Variants in USHBP1 observed in about 807,000 individuals in gnomAD.
The protein encoded by USHBP1 is USH1 protein network component harmonin binding protein 1, also known as harmonin-binding protein USHBP1.
In USHBP1, 67 loss-of-function variants were observed where a neutral mutation model predicts 76.2. The observed-to-expected ratio is 0.88, with a 90% CI of 0.72 to 1.08. The LOEUF (loss-of-function observed/expected upper bound fraction) is 1.08, where lower values mean the gene tolerates loss of function less well. USHBP1 is among the 50% of genes least tolerant of loss of function. The pLI is 0.00. For synonymous variants in USHBP1, 322 were observed against 362.2 expected, an observed-to-expected ratio of 0.89 and a Z score of 1.26; for missense variants, 931 against 915.0, an observed-to-expected ratio of 1.02 and a Z score of -0.23.
intron 3 of USHBP1, chr19:17,263,721 A>G: frequency 2.9e-6 from 1 of 345,666 alleles, no homozygotes. Context: ...AAAATGCAAA[A>G]CTTAGCCGGA....
chr19:17,260,950 T>C (rs2073679515), intron 4 of USHBP1, among the ~76,000 whole-genome samples: 1 of 152,044 alleles, frequency 6.6e-6, no homozygotes, highest in Non-Finnish European at 1.5e-5. Context: ...CGTCCGCATC[T>C]CTCCACTTCT....
intron 3 of USHBP1, 131 bp downstream of exon 3, chr19:17,263,871 A>T: frequency 3.8e-6 from 5 of 1,302,774 alleles, no homozygotes; most frequent in Admixed American, 3.1e-5. Flanking sequence ...ACTCAAAAAA[A>T]AAAGAAAGTC....
Position 17,255,567 on chromosome 19 carries a change from G to A in USHBP1, c.1510C>T (p.Arg504Trp), listed in dbSNP as rs929044301. The A allele has an allele frequency of 1.6e-5, 25 of 1,612,428 alleles. No individual in the cohort carries two copies. The highest frequency in any genetic ancestry group is 5.5e-5 in the South Asian group (5 of 90,994). Residue 504 changes from arginine (R) to tryptophan (W), a missense_variant, in exon 10 of 13, where the codon CGG becomes TGG. Coordinates refer to ENST00000252597, the MANE Select transcript of USHBP1 (RefSeq NM_031941.4). ...ADLMLRLQLV[R>W]REKRGLELRE... ...AGCTCTAGGCCCCGCTTCTCACGCC[G>A]CACCAGCTGCAGCCGAAGCATCAGG...
In USHBP1 at chr19:17,250,299, C is replaced by G. The variant is rs756523964; in HGVS notation, c.2038G>C (p.Glu680Gln). ...TTCCCCAGGGCCCTTGCAGTGGCTT[C>G]GAGCACCGCCACCTCCTCGGCCTGC... ...AQQAEEVAVL[E>Q]ATARALGKPR... Residue 680 changes from glutamate (E) to glutamine (Q), a missense_variant, in exon 13 of 13, where the codon GAA becomes CAA. Glu to Gln is a conservative substitution (Grantham distance 29). Transcript: ENST00000252597. 3.1e-6 allele frequency: 5 copies of G among 1,613,416 alleles called. No homozygotes were observed. Among genetic ancestry groups the G allele is most frequent in the Non-Finnish European group, 4.2e-6 (5 of 1,179,936 alleles).
At position 17,257,113 on chromosome 19, in the gene USHBP1, C is replaced by T. The variant is rs191302639; in HGVS notation, c.1221-393G>A. 6.5e-4 allele frequency among the ~76,000 whole-genome samples: 97 copies of T among 150,068 alleles called. 1 individual carries two copies. In the Middle Eastern group the frequency reaches 0.014, roughly 21 times the overall value. ...TCGGCTCACTGCAAGCTCCACCTCT[C>T]GGGTTCACGCCATTCTCCTGTCTCA... On this transcript the variant is annotated intron_variant, in intron 8 of 12. Coordinates refer to ENST00000252597, the MANE Select transcript of USHBP1 (RefSeq NM_031941.4).
At chr19:17,251,152 G>A (rs189333514) in intron 12 of USHBP1, among the ~76,000 whole-genome samples, 282 of 145,544 alleles carry the variant, frequency 1.9e-3, no homozygotes, top group Non-Finnish European at 2.1e-3. Flanking sequence ...GAGCCACTGC[G>A]CCTGGCCCAG....
In USHBP1 at chr19:17,256,030, T is replaced by C. The variant is rs549100877; in HGVS notation, c.1471-424A>G. Reference sequence around the variant, plus strand: ...AAAACAAACAAACAAACAAACAAACTAGGACCTTCACCATTCACCATGTTC... The same window carrying C: ...AAAACAAACAAACAAACAAACAAACCAGGACCTTCACCATTCACCATGTTC... On this transcript the variant is annotated intron_variant, in intron 9 of 12. Coordinates refer to ENST00000252597, the MANE Select transcript of USHBP1 (RefSeq NM_031941.4). Among the ~76,000 whole-genome samples, 116 of 149,546 alleles carry C rather than the reference T, an allele frequency of 7.8e-4. 1 individual carries two copies. The highest frequency in any genetic ancestry group is 3.6e-4 in the Non-Finnish European group (24 of 67,352).
At position 17,258,242 on chromosome 19, in the gene USHBP1, T is replaced by G; in HGVS notation, c.1190A>C (p.Asp397Ala). Residue 397 changes from aspartate to alanine, a missense_variant, in exon 8 of 13, where the codon GAT becomes GCT. Physicochemically the swap from Asp to Ala is moderately radical, Grantham distance 126. Coordinates refer to ENST00000252597, the MANE Select transcript of USHBP1 (RefSeq NM_031941.4). ...RLLAQEEAAM[D>A]AGAQQNPQPS... ...CTGTGGATTCTGCTGTGCTCCTGCA[T>G]CCATGGCAGCCTCCTCTTGTGCCAG... 1 of 1,614,114 alleles carries G rather than the reference T, an allele frequency of 6.2e-7. No individual in the cohort carries two copies. Among genetic ancestry groups the G allele is most frequent in the Non-Finnish European group, 8.5e-7 (1 of 1,180,036 alleles).
At chr19:17,253,894 CAAAAAAA>C (rs755318665) in intron 10 of USHBP1, among the ~76,000 whole-genome samples, 2 of 87,318 alleles carry the variant, frequency 2.3e-5, no homozygotes, top group African/African-American at 4.3e-5. Flanking sequence ...ATCCGTTTCC[CAAAAAAA>C]AAAAAAAAGA....
intron 8 of USHBP1, 68 bp from the exon 9 acceptor site, chr19:17,256,788 C>A: frequency 1.9e-6 from 3 of 1,602,292 alleles, no homozygotes; most frequent in East Asian, 2.2e-5. Context: ...TCATGCCAAT[C>A]CTGGTAGGGT....
At chr19:17,258,824 C>T (rs1009596714) in intron 7 of USHBP1, 3 of 247,576 alleles carry the variant, frequency 1.2e-5, no homozygotes, top group African/African-American at 4.7e-5. Context: ...CTGCCCTCAG[C>T]TCTGGAAGCA....
intron 10 of USHBP1, among the ~76,000 whole-genome samples, chr19:17,253,963 T>C (rs2073586250): frequency 6.6e-6 from 1 of 150,480 alleles, no homozygotes. Context: ...ATCCCAGTAC[T>C]TTGGGAGGCT....
chr19:17,251,810 C>T, intron 11 of USHBP1, 101 bp downstream of exon 11: 1 of 1,563,698 alleles, frequency 6.4e-7, no homozygotes, highest in South Asian at 1.2e-5. Context: ...CACACCTGTA[C>T]ACCGGGGTAC....
rs752949156 is a variant in USHBP1, at chr19:17,259,279, G to A, written c.1046+10C>T. ...CCCAGCTGGTGACATCACTGGCAGG[G>A]TGCACTGACCTGTACTGCAAGGCCA... On this transcript the variant is annotated intron_variant, in intron 7 of 12. Transcript: ENST00000252597. The A allele has an allele frequency of 5.0e-6, 8 of 1,589,508 alleles. No homozygotes were observed. The highest frequency in any genetic ancestry group is 6.0e-6 in the Non-Finnish European group (7 of 1,166,470).
chr19:17,255,066 C>A (rs1232361718), intron 10 of USHBP1, among the ~76,000 whole-genome samples: 3 of 151,988 alleles, frequency 2.0e-5, no homozygotes, highest in African/African-American at 7.3e-5. Flanking sequence ...CATTTGAGGC[C>A]AGGAGTTCGA....
At chr19:17,263,950 G>T in intron 3 of USHBP1, 52 bp downstream of exon 3, 1 of 1,473,506 alleles carries the variant, frequency 6.8e-7, no homozygotes. Context: ...ATCTGTGGAT[G>T]GCAAAGATGC....
chr19:17,259,221 G>C (rs1350981907), intron 7 of USHBP1, 68 bp downstream of exon 7: 3 of 1,535,088 alleles, frequency 2.0e-6, no homozygotes, highest in African/African-American at 2.8e-5. Context: ...GGGTTCTGTG[G>C]ATTGGGGCCA....
intron 12 of USHBP1, 70 bp downstream of exon 12, chr19:17,251,511 GC>G: frequency 6.3e-7 from 1 of 1,593,266 alleles, no homozygotes; most frequent in Non-Finnish European, 8.6e-7. Flanking sequence ...CCCAGAGACA[GC>G]CAGGGATACT....
At chr19:17,258,459 A>G (rs1399062513) in intron 7 of USHBP1, 74 bp from the exon 8 acceptor site, 2 of 1,534,646 alleles carry the variant, frequency 1.3e-6, no homozygotes, top group Admixed American at 3.7e-5. Context: ...CTGTAGTCCC[A>G]GCACTTTGGG....
Sources: gnomAD v4.1 joint callset for allele counts (sites outside exome capture counted in the v4.1 genomes callset) on GRCh38, gnomAD v4.1.1 for gene constraint, MANE v1.5 for transcripts, NCBI Gene and HGNC (gene_info 2026-07-23, HGNC 2026-07-21) for gene names.